The following NR2C2 variants were observed in gnomAD, a reference collection of about 807,000 sequenced individuals.
NR2C2 encodes the protein nuclear receptor subfamily 2 group C member 2.
A neutral mutation model predicts 62.9 loss-of-function variants in NR2C2; 6 were observed. The observed-to-expected ratio is 0.10, with a 90% CI of 0.05 to 0.19. The LOEUF (loss-of-function observed/expected upper bound fraction) is 0.19. Ranked by LOEUF, NR2C2 falls within the 10% of genes least tolerant of loss-of-function variation. NR2C2 has a pLI of 1.00. For synonymous variants in NR2C2, 272 were observed against 273.8 expected (o/e 0.99, Z 0.07); for missense variants, 479 against 762.7 (o/e 0.63, Z 4.38).
At chr3:15,039,791 GAA>G (rs748091674) in intron 13 of NR2C2, among the ~76,000 whole-genome samples, 3 of 152,130 alleles carry the variant, frequency 2.0e-5, no homozygotes, top group Non-Finnish European at 2.9e-5. Context: ...TAAACTAATG[GAA>G]AAAAGTTTGT....
intron 1 of NR2C2, among the ~76,000 whole-genome samples, chr3:14,996,103 C>A (rs1228833838): frequency 6.6e-6 from 1 of 152,148 alleles, no homozygotes. Context: ...GAATTATTTT[C>A]TCCCATTGTA....
intron 1 of NR2C2, among the ~76,000 whole-genome samples, chr3:14,951,844 T>G (rs2039371775): frequency 1.3e-5 from 2 of 151,906 alleles, no homozygotes; most frequent in South Asian, 4.2e-4. Context: ...GCCTCCTGGG[T>G]TCACGCCATT....
In NR2C2 at chr3:15,048,832, G is replaced by T. The variant is rs1230281920; in HGVS notation, c.*5824G>T. 1 of 152,630 alleles carries T rather than the reference G, an allele frequency of 6.6e-6. No homozygotes were observed. Among genetic ancestry groups the T allele is most frequent in the Non-Finnish European group, 1.5e-5 (1 of 68,034 alleles). The allele number at this position is 152,630 out of a possible 1,614,324, so 9.5% of individuals were successfully genotyped here. On this transcript the variant is annotated 3_prime_UTR_variant, in exon 14 of 14. Coordinates refer to ENST00000425241, the MANE Select transcript of NR2C2 (RefSeq NM_001291694.2). ...ACCTGTAGTTTGGACTTCTCTGTTAGAATGTAACTGCATTACCAGCCCTTT... is the reference window on the plus strand; with the variant it reads ...ACCTGTAGTTTGGACTTCTCTGTTATAATGTAACTGCATTACCAGCCCTTT...
rs763692554 is a variant in NR2C2, at chr3:15,023,195, T to A, written c.557-5T>A. 1 of 1,613,854 alleles carries A rather than the reference T, an allele frequency of 6.2e-7. No individual in the cohort carries two copies. The highest frequency in any genetic ancestry group is 8.5e-7 in the Non-Finnish European group (1 of 1,179,890). Reference sequence around the variant, plus strand: ...TAAACACAAATATTTATGTTGTGATTTAAGCTGTGCAGAGTGAACGGAAGC... The same window carrying A: ...TAAACACAAATATTTATGTTGTGATATAAGCTGTGCAGAGTGAACGGAAGC... On this transcript the variant is annotated splice_region_variant and splice_polypyrimidine_tract_variant and intron_variant, in intron 5 of 13. Coordinates refer to ENST00000425241, the MANE Select transcript of NR2C2 (RefSeq NM_001291694.2).
In NR2C2 at chr3:14,952,827, C is replaced by T. The variant is rs548512419; in HGVS notation, c.-40+4921C>T. Among the ~76,000 whole-genome samples the T allele has an allele frequency of 4.6e-5, 7 of 152,322 alleles. No individual in the cohort carries two copies. The South Asian group carries it at 1.0e-3, about 23-fold the overall frequency. The stretch of plus-strand genomic sequence containing the variant: ...CTACCCGAGGTAGCAGTCCTACTCC[C>T]CTTGCTCACTTCAGGTCCTGAGTGC... On this transcript the variant is annotated intron_variant, in intron 1 of 13. Coordinates refer to ENST00000425241, the MANE Select transcript of NR2C2 (RefSeq NM_001291694.2).
In NR2C2 at chr3:15,023,200, C is replaced by T. The variant is rs1278259459; in HGVS notation, c.557C>T (p.Ser186Phe). 3 of 1,613,814 alleles carry T rather than the reference C, an allele frequency of 1.9e-6. No individual in the cohort carries two copies. Among genetic ancestry groups the T allele is most frequent in the Non-Finnish European group, 2.5e-6 (3 of 1,179,854 alleles). ...ACAAATATTTATGTTGTGATTTAAG[C>T]TGTGCAGAGTGAACGGAAGCCCTTC... Reference protein sequence around the residue: ...KCLEMGMKMESVQSERKPFDV... With the variant: ...KCLEMGMKMEFVQSERKPFDV... The change falls in exon 6 of 14, where the codon TCT becomes TTT. Residue 186 changes from serine to phenylalanine, a missense_variant and splice_region_variant. Transcript: ENST00000425241.
At chr3:15,020,479 G>A (rs1034081452) in intron 4 of NR2C2, among the ~76,000 whole-genome samples, 2 of 152,196 alleles carry the variant, frequency 1.3e-5, no homozygotes, top group South Asian at 2.1e-4. Context: ...TATACTAAGA[G>A]CACTAAGGTC....
At chr3:14,955,494 G>C (rs186543219) in intron 1 of NR2C2, among the ~76,000 whole-genome samples, 67 of 151,868 alleles carry the variant, frequency 4.4e-4, no homozygotes, top group African/African-American at 1.3e-3. Flanking sequence ...GAAGGGCACT[G>C]TGATCTAGAG....
At chr3:14,997,165 ATACT>A (rs1210724588) in intron 1 of NR2C2, among the ~76,000 whole-genome samples, 1 of 152,216 alleles carries the variant, frequency 6.6e-6, no homozygotes, top group African/African-American at 2.4e-5. Context: ...AGATACACAG[ATACT>A]TACCATTCTG....
At chr3:15,008,561 A>G (rs1036276375) in intron 2 of NR2C2, among the ~76,000 whole-genome samples, 1 of 152,088 alleles carries the variant, frequency 6.6e-6, no homozygotes, top group African/African-American at 2.4e-5. Flanking sequence ...ACTCAAACAA[A>G]AGTTATCCAG....
chr3:15,010,768 C>G (rs2041330759), intron 2 of NR2C2, among the ~76,000 whole-genome samples: 2 of 151,912 alleles, frequency 1.3e-5, no homozygotes, highest in Admixed American at 6.6e-5. Flanking sequence ...CCACTAAGAG[C>G]TGCTGTCCTT....
At chr3:14,960,015 G>A (rs1330690724) in intron 1 of NR2C2, among the ~76,000 whole-genome samples, 1 of 152,194 alleles carries the variant, frequency 6.6e-6, no homozygotes, top group Non-Finnish European at 1.5e-5. Flanking sequence ...AAAAAAATTA[G>A]TTGGATCCTT....
rs1167641667 is a variant in NR2C2 at position 14,968,811 on chromosome 3, AATG to A, written c.-40+20910_-40+20912del. ...CATGGAATACTATGCAGCCATAAAA[AATG>A]ATGAGTTCATGTCCTTTGTAGGGAC... On this transcript the variant is annotated intron_variant, in intron 1 of 13. Transcript: ENST00000425241. 2.8e-5 allele frequency among the ~76,000 whole-genome samples: 4 copies of A among 141,756 alleles called. No homozygotes were observed. The East Asian group carries it at 8.0e-4, about 28-fold the overall frequency. 93.0% of individuals were successfully genotyped at this position (141,756 alleles called of 152,430 possible).
chr3:14,981,912 G>C (rs1404201586), intron 1 of NR2C2, among the ~76,000 whole-genome samples: 2 of 152,172 alleles, frequency 1.3e-5, no homozygotes, highest in Non-Finnish European at 2.9e-5. Context: ...ATGTTCCTCT[G>C]TACGCTTTTA....
intron 1 of NR2C2, among the ~76,000 whole-genome samples, chr3:14,976,863 TCTAC>T (rs2040221666): frequency 6.6e-6 from 1 of 152,120 alleles, no homozygotes; most frequent in Non-Finnish European, 1.5e-5. Context: ...TCATTCCTTA[TCTAC>T]ATGGGTGACC....
At chr3:14,963,336 A>G (rs1268168411) in intron 1 of NR2C2, among the ~76,000 whole-genome samples, 2 of 152,226 alleles carry the variant, frequency 1.3e-5, no homozygotes, top group Non-Finnish European at 2.9e-5. Context: ...GTCTCAAAAA[A>G]TAAGTAATTA....
At chr3:14,994,817 A>C (rs1202142228) in intron 1 of NR2C2, among the ~76,000 whole-genome samples, 1 of 149,414 alleles carries the variant, frequency 6.7e-6, no homozygotes, top group Non-Finnish European at 1.5e-5. Context: ...CAGGAGGCTG[A>C]GACAGGAGGA....
intron 7 of NR2C2, chr3:15,026,536 T>C (rs1358052053): frequency 1.3e-5 from 2 of 152,166 alleles, no homozygotes; most frequent in African/African-American, 4.8e-5. Context: ...CTAATCTGCT[T>C]TCTGACTCTA....
intron 9 of NR2C2, among the ~76,000 whole-genome samples, chr3:15,031,747 T>C (rs979714935): frequency 6.6e-6 from 1 of 151,712 alleles, no homozygotes; most frequent in Non-Finnish European, 1.5e-5. Context: ...TTTTTTTTTT[T>C]TGAGACTGAG....
Sources: gnomAD v4.1 joint callset for allele counts (sites outside exome capture counted in the v4.1 genomes callset) on GRCh38, gnomAD v4.1.1 for gene constraint, MANE v1.5 for transcripts, NCBI Gene and HGNC (gene_info 2026-07-23, HGNC 2026-07-21) for gene names.